The following NRXN1 variants were observed in gnomAD, a reference collection of about 807,000 sequenced individuals.
The protein encoded by NRXN1 is neurexin-1.
Under a neutral mutation model 150.9 loss-of-function variants are expected in NRXN1, and 39 were observed. The ratio of observed to expected loss-of-function variants is 0.26; its 90% confidence interval spans 0.20 to 0.34. The LOEUF is 0.34. NRXN1 is among the 10% of genes least tolerant of loss of function. NRXN1 has a pLI of 1.00. For missense variants in NRXN1, 1,815 were observed against 1,949.9 expected (o/e 0.93, Z 1.30); for synonymous variants, 924 against 757.0 (o/e 1.22, Z -3.62).
At chr2:50,863,037 A>G (rs2106042805) in intron 5 of NRXN1, among the ~76,000 whole-genome samples, 1 of 152,150 alleles carries the variant, frequency 6.6e-6, no homozygotes, top group Admixed American at 6.6e-5. Flanking sequence ...CAGGAATGAG[A>G]GGGAATATGA....
At chr2:50,942,453 C>T (rs1335578567) in intron 2 of NRXN1, among the ~76,000 whole-genome samples, 3 of 152,244 alleles carry the variant, frequency 2.0e-5, no homozygotes, top group East Asian at 3.9e-4. Context: ...CACTTAACAC[C>T]AGCCTGTGAA....
chr2:50,179,258 T>C (rs2060546788), intron 18 of NRXN1, among the ~76,000 whole-genome samples: 1 of 152,128 alleles, frequency 6.6e-6, no homozygotes, highest in Non-Finnish European at 1.5e-5. Context: ...TAAACATCCC[T>C]AACCTGTCTA....
At chr2:50,672,492 T>G (rs920533485) in intron 5 of NRXN1, among the ~76,000 whole-genome samples, 1 of 152,024 alleles carries the variant, frequency 6.6e-6, no homozygotes, top group Non-Finnish European at 1.5e-5. Context: ...AAGTTGTGGT[T>G]AAATCCCTAG....
At position 49,922,133 on chromosome 2, in the gene NRXN1, G is replaced by A. The variant is rs1229381914; in HGVS notation, c.4335C>T (p.Ile1445=). ...VGIVAAAALC[I]LILLYAMYKY... Reference sequence around the variant, plus strand: ...TGTACATGGCATAGAGGAGGATAAGGATGCACAGGGCGGCAGCGGCTACTA... The same window carrying A: ...TGTACATGGCATAGAGGAGGATAAGAATGCACAGGGCGGCAGCGGCTACTA... The change falls in exon 23 of 23, where the codon ATC becomes ATT. Residue 1445 remains isoleucine, a synonymous_variant. Transcript: ENST00000401669. The A allele has an allele frequency of 3.7e-6, 6 of 1,613,992 alleles. No homozygotes were observed. The highest frequency in any genetic ancestry group is 5.1e-6 in the Non-Finnish European group (6 of 1,180,038).
intron 22 of NRXN1, among the ~76,000 whole-genome samples, chr2:49,926,680 T>G (rs1016321388): frequency 1.3e-5 from 2 of 152,222 alleles, no homozygotes; most frequent in South Asian, 4.1e-4. Context: ...AGATTTTAAT[T>G]TGTCTTTTGC....
At chr2:50,701,210 C>G (rs1017919621) in intron 5 of NRXN1, among the ~76,000 whole-genome samples, 1 of 151,970 alleles carries the variant, frequency 6.6e-6, no homozygotes, top group Non-Finnish European at 1.5e-5. Flanking sequence ...TAAAAATATA[C>G]AGAGAAAAGT....
intron 17 of NRXN1, among the ~76,000 whole-genome samples, chr2:50,334,844 T>C (rs1031744974): frequency 1.3e-5 from 2 of 152,216 alleles, no homozygotes; most frequent in Non-Finnish European, 2.9e-5. Context: ...AAAGTTAACC[T>C]TGGAGGAGGG....
chr2:50,592,570 T>A (rs1347594071), intron 8 of NRXN1, among the ~76,000 whole-genome samples: 1 of 152,182 alleles, frequency 6.6e-6, no homozygotes, highest in Admixed American at 6.5e-5. Context: ...GGAACAGAGC[T>A]TGCTCTTGGC....
At chr2:50,274,402 G>T (rs561179546) in intron 17 of NRXN1, among the ~76,000 whole-genome samples, 2 of 152,196 alleles carry the variant, frequency 1.3e-5, no homozygotes, top group Non-Finnish European at 2.9e-5. Context: ...CTGGGGGTTG[G>T]GGGGCTACGG....
At chr2:50,953,251 C>T (rs1691700548) in intron 2 of NRXN1, among the ~76,000 whole-genome samples, 1 of 152,194 alleles carries the variant, frequency 6.6e-6, no homozygotes, top group African/African-American at 2.4e-5. Context: ...ACCTCAATGT[C>T]TCTGAGTCAC....
intron 5 of NRXN1, among the ~76,000 whole-genome samples, chr2:50,775,748 G>A (rs1703540589): frequency 6.6e-6 from 1 of 152,128 alleles, no homozygotes; most frequent in African/African-American, 2.4e-5. Flanking sequence ...TCCACAGAAA[G>A]ACCTTTGCCA....
intron 5 of NRXN1, among the ~76,000 whole-genome samples, chr2:50,782,094 G>A (rs2352078): frequency 6.6e-6 from 1 of 151,530 alleles, no homozygotes; most frequent in Non-Finnish European, 1.5e-5. Flanking sequence ...GAATGACAGG[G>A]TAGATGCTAA....
chr2:50,903,594 T>C (rs1467287691), intron 5 of NRXN1, among the ~76,000 whole-genome samples: 1 of 152,166 alleles, frequency 6.6e-6, no homozygotes, highest in East Asian at 1.9e-4. Flanking sequence ...ATGGGCCTTG[T>C]GCATAAGCAT....
chr2:50,594,999 TAA>T (rs767429102), intron 8 of NRXN1, among the ~76,000 whole-genome samples: 4 of 135,272 alleles, frequency 3.0e-5, no homozygotes. Flanking sequence ...CCTCTCTTCT[TAA>T]AAAAAAAAAA....
In NRXN1 at chr2:50,281,849, C is replaced by G. The variant is rs1249071343; in HGVS notation, c.3365-44879G>C. Reference sequence around the variant, plus strand: ...AGTGGTTTCTATTAGCAGTAGAAAACTTGAACTCCTTCCCAAACATCTTTA... The same window carrying G: ...AGTGGTTTCTATTAGCAGTAGAAAAGTTGAACTCCTTCCCAAACATCTTTA... On this transcript the variant is annotated intron_variant, in intron 17 of 22. Coordinates refer to ENST00000401669, the MANE Select transcript of NRXN1 (RefSeq NM_001330078.2). Among the ~76,000 whole-genome samples the G allele has an allele frequency of 2.0e-5, 3 of 152,080 alleles. No individual in the cohort carries two copies. In the East Asian group the frequency reaches 5.8e-4, roughly 29 times the overall value.
At chr2:50,952,695 G>A (rs182982269) in intron 2 of NRXN1, among the ~76,000 whole-genome samples, 17 of 152,288 alleles carry the variant, frequency 1.1e-4, no homozygotes, top group Admixed American at 2.6e-4. Context: ...TCTGTGGTGG[G>A]ATAAATAGAT....
intron 5 of NRXN1, among the ~76,000 whole-genome samples, chr2:50,792,464 C>A (rs1342993442): frequency 2.0e-5 from 3 of 151,978 alleles, no homozygotes; most frequent in Admixed American, 2.0e-4. Flanking sequence ...AACATATTAT[C>A]TAATACTATA....
At chr2:50,090,282 G>A (rs1205733371) in intron 19 of NRXN1, among the ~76,000 whole-genome samples, 1 of 152,052 alleles carries the variant, frequency 6.6e-6, no homozygotes, top group Non-Finnish European at 1.5e-5. Context: ...GAATACATTG[G>A]TTATGTCATT....
In NRXN1 at chr2:50,434,043, A is replaced by ATTTT. The variant is rs748364051; in HGVS notation, c.3364+31395_3364+31398dup. On this transcript the variant is annotated intron_variant, in intron 17 of 22. Coordinates refer to ENST00000401669, the MANE Select transcript of NRXN1 (RefSeq NM_001330078.2). The stretch of plus-strand genomic sequence containing the variant: ...ACTCCTTGCTTCCGGTATCTAAGCC[A>ATTTT]TTTTTTTTTTTTTTTTTTTTTTTTT... 7.9e-4 allele frequency among the ~76,000 whole-genome samples: 57 copies of ATTTT among 72,140 alleles called. 2 individuals are homozygous for ATTTT. The highest frequency in any genetic ancestry group is 1.3e-3 in the African/African-American group (23 of 18,172). The allele number at this position is 72,140 out of a possible 152,430, so 47.3% of individuals were successfully genotyped here.
Sources: gnomAD v4.1 joint callset for allele counts (sites outside exome capture counted in the v4.1 genomes callset) on GRCh38, gnomAD v4.1.1 for gene constraint, MANE v1.5 for transcripts, NCBI Gene and HGNC (gene_info 2026-07-23, HGNC 2026-07-21) for gene names.